C15orf39: variants seen among roughly 807,000 people sequenced by gnomAD.
The protein encoded by C15orf39 is uncharacterized protein C15orf39.
Under a neutral mutation model 53.9 loss-of-function variants are expected in C15orf39, and 24 were observed. The ratio of observed to expected loss-of-function variants is 0.45; its 90% CI spans 0.32 to 0.63. The LOEUF (loss-of-function observed/expected upper bound fraction) is 0.63, where lower values mean the gene tolerates loss of function less well. C15orf39 is among the 20% of genes least tolerant of loss of function. The pLI is 0.04. For synonymous variants in C15orf39, 569 were observed against 576.5 expected (o/e 0.99, Z 0.19); for missense variants, 1,271 against 1,347.9 (o/e 0.94, Z 0.89).
chr15:75,199,476 T>C (rs899958612), upstream of C15orf39, among the ~76,000 whole-genome samples: 1 of 152,098 alleles, frequency 6.6e-6, no homozygotes, highest in African/African-American at 2.4e-5. Flanking sequence ...GCCTGTAGAG[T>C]AGCTGCCAGC....
chr15:75,204,214 C>A (rs1197763671), intron 1 of C15orf39, among the ~76,000 whole-genome samples: 1 of 152,198 alleles, frequency 6.6e-6, no homozygotes, highest in African/African-American at 2.4e-5. Context: ...CCTTTCTAAG[C>A]TACTGAGAGT....
chr15:75,199,808 T>C (rs765000838), upstream of C15orf39, among the ~76,000 whole-genome samples: 1 of 152,338 alleles, frequency 6.6e-6, no homozygotes, highest in Non-Finnish European at 1.5e-5. Context: ...GGGAAGGCCA[T>C]ATAAGGACAG....
chr15:75,205,970 C>T, intron 1 of C15orf39, 29 bp from the exon 2 acceptor site: 1 of 1,401,002 alleles, frequency 7.1e-7, no homozygotes, highest in Non-Finnish European at 9.5e-7. Context: ...GTTTTCCTGA[C>T]AGCCCCTGCC....
Position 75,206,968 on chromosome 15 carries a change from TG to T in C15orf39, c.926del (p.Gly309AlafsTer17). Reference sequence around the variant, plus strand: ...AGCCCAGCACTCCCACTGCAGCCTCTGGGGGGCCACAAGGGGACCGGGTACC... The same window carrying T: ...AGCCCAGCACTCCCACTGCAGCCTCTGGGGGCCACAAGGGGACCGGGTACC... ...SYSPALPLQPLGGHKGTGYQA... is the reference protein window; with the variant it reads ...SYSPALPLQPXGGHKGTGYQA... On this transcript the variant is annotated frameshift_variant, in exon 2 of 3. Transcript: ENST00000394987. LOFTEE classifies it high-confidence loss of function. The T allele has an allele frequency of 6.3e-7, 1 of 1,577,756 alleles. No homozygotes were observed. Among genetic ancestry groups the T allele is most frequent in the Admixed American group, 1.8e-5 (1 of 56,110 alleles).
In C15orf39 at chr15:75,207,546, A is replaced by G. The variant is rs771625069; in HGVS notation, c.1498A>G (p.Met500Val). 1 of 1,613,346 alleles carries G rather than the reference A, an allele frequency of 6.2e-7. No individual in the cohort carries two copies. Among genetic ancestry groups the G allele is most frequent in the African/African-American group, 1.3e-5 (1 of 74,944 alleles). The change falls in exon 2 of 3, where the codon ATG (methionine) becomes GTG (valine). Residue 500 changes from methionine to valine, a missense_variant. Met to Val is a conservative substitution (Grantham distance 21). Coordinates refer to ENST00000394987, the MANE Select transcript of C15orf39 (RefSeq NM_015492.5). ...EGARPPSSPP[M>V]PVIDNVFSLA... is the part of the protein sequence containing the mutation. ...CGCAAGGCCACCCAGCTCTCCACCA[A>G]TGCCTGTCATTGACAATGTCTTCAG...
rs374466401 is a variant in C15orf39 at position 75,206,596 on chromosome 15, G to T, written c.548G>T (p.Gly183Val). The T allele has an allele frequency of 2.8e-5, 45 of 1,613,756 alleles. No homozygotes were observed. The African/African-American group carries it at 5.9e-4, about 21-fold the overall frequency. The change falls in exon 2 of 3, where the codon GGC becomes GTC. Residue 183 changes from glycine to valine, a missense_variant. Physicochemically the swap from Gly to Val is moderately radical, Grantham distance 109. Coordinates refer to ENST00000394987, the MANE Select transcript of C15orf39 (RefSeq NM_015492.5). ...PCSLAPAPSK[G>V]QTLDGTFLRG... The stretch of plus-strand genomic sequence containing the variant: ...TCTCTGGCCCCAGCTCCTAGCAAGG[G>T]CCAGACTCTGGATGGCACCTTCTTG...
At position 75,208,421 on chromosome 15, in the gene C15orf39, C is replaced by T. The variant is rs760020201; in HGVS notation, c.2373C>T (p.Arg791=). ...CCCACTCTCCTCCAGAGAAGCTTCG[C>T]GAGTGGCTAGAGACGGCTGGGCCCT... is the stretch of plus-strand genomic sequence containing the variant. The part of the protein sequence containing the change: ...SVAHSPPEKL[R]EWLETAGPWG... The change falls in exon 2 of 3, where the codon CGC becomes CGT. Residue 791 remains arginine, a synonymous_variant. Coordinates refer to ENST00000394987, the MANE Select transcript of C15orf39 (RefSeq NM_015492.5). 7 of 1,606,324 alleles carry T rather than the reference C, an allele frequency of 4.4e-6. No individual in the cohort carries two copies. Among genetic ancestry groups the T allele is most frequent in the Middle Eastern group, 1.7e-4 (1 of 6,052 alleles).
In C15orf39 at chr15:75,211,276, C is replaced by CCA; in HGVS notation, c.*161_*162insAC. 1.0e-6 allele frequency: 1 copy of CCA among 960,864 alleles called. No homozygotes were observed. The highest frequency in any genetic ancestry group is 1.5e-6 in the Non-Finnish European group (1 of 672,068). 59.5% of individuals were successfully genotyped at this position (960,864 alleles called of 1,614,324 possible). On this transcript the variant is annotated 3_prime_UTR_variant, in exon 3 of 3. Coordinates refer to ENST00000394987, the MANE Select transcript of C15orf39 (RefSeq NM_015492.5). The stretch of plus-strand genomic sequence containing the variant: ...GCCCATTCAGGGTGGGCTGAAGAGC[C>CCA]CCTGAGCTTTTAACGTGAGGGTCTT...
chr15:75,210,567 C>T (rs1277759770), intron 2 of C15orf39, among the ~76,000 whole-genome samples, 182 bp from the exon 3 acceptor site: 1 of 152,202 alleles, frequency 6.6e-6, no homozygotes, highest in Non-Finnish European at 1.5e-5. Context: ...GTTCTGGTGT[C>T]ACCTGGGGAG....
chr15:75,210,219 C>G (rs186302592), intron 2 of C15orf39, among the ~76,000 whole-genome samples: 41 of 152,330 alleles, frequency 2.7e-4, no homozygotes, highest in Middle Eastern at 3.4e-3. Flanking sequence ...CCCCTGTCCT[C>G]ACTCCCTCCC....
chr15:75,210,740 GT>G lies in C15orf39; in HGVS notation c.2777-5del. On this transcript the variant is annotated splice_region_variant and splice_polypyrimidine_tract_variant and intron_variant, in intron 2 of 2. Coordinates refer to ENST00000394987, the MANE Select transcript of C15orf39 (RefSeq NM_015492.5). Reference sequence around the variant, plus strand: ...GGGTCTGCAGGCTGACTATGTGTTCGTTTTCCAGGTGACTTTGACACTGAGG... The same window carrying G: ...GGGTCTGCAGGCTGACTATGTGTTCGTTTCCAGGTGACTTTGACACTGAGG... The G allele has an allele frequency of 6.3e-7, 1 of 1,593,762 alleles. No individual in the cohort carries two copies. Among genetic ancestry groups the G allele is most frequent in the Non-Finnish European group, 8.6e-7 (1 of 1,166,110 alleles).
chr15:75,207,109 C>G lies in C15orf39; in HGVS notation c.1061C>G (p.Ser354Cys), dbSNP rs775635495. ...CCCTCTGCCCCTCTCCCAGCACCCTCTCCAGGCCTCAAGCTGGAGCCGCCT... is the reference window on the plus strand; with the variant it reads ...CCCTCTGCCCCTCTCCCAGCACCCTGTCCAGGCCTCAAGCTGGAGCCGCCT... The part of the protein sequence containing the change: ...PYPSAPLPAP[S>C]PGLKLEPPLT... Residue 354 changes from serine (S) to cysteine (C), a missense_variant, in exon 2 of 3, where the codon TCT (serine) becomes TGT (cysteine). Physicochemically the swap from Ser to Cys is moderately radical, Grantham distance 112. Transcript: ENST00000394987. 6.2e-7 allele frequency: 1 copy of G among 1,613,406 alleles called. No homozygotes were observed. Among genetic ancestry groups the G allele is most frequent in the Non-Finnish European group, 8.5e-7 (1 of 1,179,954 alleles).
At position 75,206,566 on chromosome 15, in the gene C15orf39, C is replaced by T; in HGVS notation, c.518C>T (p.Pro173Leu). 6.2e-7 allele frequency: 1 copy of T among 1,613,862 alleles called. No individual in the cohort carries two copies. The highest frequency in any genetic ancestry group is 8.5e-7 in the Non-Finnish European group (1 of 1,179,904). Residue 173 changes from proline to leucine, a missense_variant, in exon 2 of 3, where the codon CCC (proline) becomes CTC (leucine). This residue lies in a region of C15orf39 where 994 missense variants were observed against 993.7 expected (regional missense o/e 1.00). Coordinates refer to ENST00000394987, the MANE Select transcript of C15orf39 (RefSeq NM_015492.5). ...CCCCTGTTGCCCTCAGCTGACCCAC[C>T]CTGCTCTCTGGCCCCAGCTCCTAGC... ...TGPLLPSADP[P>L]CSLAPAPSKG...
Position 75,207,837 on chromosome 15 carries a change from G to A in C15orf39, c.1789G>A (p.Ala597Thr). 1 of 1,612,932 alleles carries A rather than the reference G, an allele frequency of 6.2e-7. No homozygotes were observed. The highest frequency in any genetic ancestry group is 2.2e-5 in the East Asian group (1 of 44,858). The change falls in exon 2 of 3, where the codon GCC becomes ACC. Residue 597 changes from alanine (A) to threonine (T), a missense_variant. By Grantham distance (58) the Ala-to-Thr change is moderately conservative (BLOSUM62 0). Transcript: ENST00000394987. ...CAAGGCTTCCCGTTCTGTGGAGCATGCCAAGCCTACTGCAGCCATGGATGT... is the reference window on the plus strand; with the variant it reads ...CAAGGCTTCCCGTTCTGTGGAGCATACCAAGCCTACTGCAGCCATGGATGT... ...PVKASRSVEH[A>T]KPTAAMDVPD...
upstream of C15orf39, among the ~76,000 whole-genome samples, chr15:75,201,388 A>G (rs1006409199): frequency 6.6e-6 from 1 of 152,158 alleles, no homozygotes; most frequent in African/African-American, 2.4e-5. This position sits in a 1 kb window ranked among gnomAD's most constrained non-coding sequence, Gnocchi z 4.7. Context: ...GAGTCTGGAA[A>G]TTGCCCTCAT....
intron 2 of C15orf39, among the ~76,000 whole-genome samples, chr15:75,210,368 C>G (rs1025550738): frequency 6.6e-6 from 1 of 152,166 alleles, no homozygotes; most frequent in Non-Finnish European, 1.5e-5. Context: ...TGGGCTTGGT[C>G]TCTGGGGCTG....
intron 2 of C15orf39, 112 bp from the exon 3 acceptor site, chr15:75,210,637 A>T: frequency 6.9e-7 from 1 of 1,446,010 alleles, no homozygotes; most frequent in Non-Finnish European, 9.2e-7. Flanking sequence ...AAGAGTTGTG[A>T]TGCCAGCCTG....
At chr15:75,205,274 C>T (rs987353639) in intron 1 of C15orf39, among the ~76,000 whole-genome samples, 2 of 152,208 alleles carry the variant, frequency 1.3e-5, no homozygotes, top group Non-Finnish European at 2.9e-5. Context: ...AGGAGGCCTG[C>T]TTCTCGTTGT....
In C15orf39 at chr15:75,207,192, C is replaced by T. The variant is rs532905421; in HGVS notation, c.1144C>T (p.Arg382Trp). The change falls in exon 2 of 3, where the codon CGG becomes TGG. Residue 382 changes from arginine (R) to tryptophan (W), a missense_variant. Transcript: ENST00000394987. The stretch of plus-strand genomic sequence containing the variant: ...CCAGACACTGAGTTTTCCTTATGCC[C>T]GGGATGACCTCTCTCTCTATGGAGC... ...APQTLSFPYA[R>W]DDLSLYGASP... 44 of 1,613,844 alleles carry T rather than the reference C, an allele frequency of 2.7e-5. No homozygotes were observed. The highest frequency in any genetic ancestry group is 8.3e-5 in the Admixed American group (5 of 60,020).
Sources: gnomAD v4.1 joint callset for allele counts (sites outside exome capture counted in the v4.1 genomes callset) on GRCh38, gnomAD v4.1.1 for gene constraint, gnomAD v4.1.1 regional missense constraint, Gnocchi (gnomAD v3.1) non-coding constraint, MANE v1.5 for transcripts, NCBI Gene and HGNC (gene_info 2026-07-23, HGNC 2026-07-21) for gene names.